Variants in HIBADH observed in about 807,000 individuals in gnomAD.
HIBADH encodes 3-hydroxyisobutyrate dehydrogenase, also known as 3-hydroxyisobutyrate dehydrogenase, mitochondrial.
HIBADH carries 25 observed loss-of-function variants against 36.1 expected under a neutral mutation model. That is an observed-to-expected ratio of 0.69 (90% CI 0.50 to 0.97). HIBADH has a LOEUF of 0.97. HIBADH is among the 50% of genes least tolerant of loss of function. HIBADH has a pLI of 0.00. For synonymous variants in HIBADH, 160 were observed against 149.5 expected (o/e 1.07, Z -0.51); for missense variants, 421 against 418.0 (o/e 1.01, Z -0.06).
intron 2 of HIBADH, among the ~76,000 whole-genome samples, chr7:27,641,678 C>G (rs1785964079): frequency 6.6e-6 from 1 of 152,116 alleles, no homozygotes; most frequent in East Asian, 1.9e-4. Context: ...TTAATATTAC[C>G]TTTTAAAGTA....
In HIBADH at chr7:27,596,445, T is replaced by C. The variant is rs570830334; in HGVS notation, c.484+32926A>G. Among the ~76,000 whole-genome samples, 7 of 152,298 alleles carry C rather than the reference T, an allele frequency of 4.6e-5. No homozygotes were observed. In the East Asian group the frequency reaches 7.7e-4, roughly 17 times the overall value. On this transcript the variant is annotated intron_variant, in intron 4 of 7. Transcript: ENST00000265395. ...CGGACCACAACATTCTCCTACATTG[T>C]TGGTGGAAGTAAAAACTTTGATGAA...
intron 4 of HIBADH, among the ~76,000 whole-genome samples, chr7:27,613,027 A>G (rs1353808947): frequency 7.5e-6 from 1 of 132,678 alleles, no homozygotes; most frequent in Non-Finnish European, 1.6e-5. Context: ...TATATATATT[A>G]TATTTACATA....
intron 3 of HIBADH, among the ~76,000 whole-genome samples, chr7:27,630,171 C>T (rs928748470): frequency 6.6e-6 from 1 of 152,226 alleles, no homozygotes; most frequent in African/African-American, 2.4e-5. Context: ...GAAACTCTAA[C>T]CTAAATTATA....
intron 4 of HIBADH, 65 bp downstream of exon 4, chr7:27,629,306 C>T: frequency 6.6e-7 from 1 of 1,519,748 alleles, no homozygotes; most frequent in Non-Finnish European, 8.9e-7. Flanking sequence ...TATGGTACAA[C>T]AAAACCATAA....
At chr7:27,643,493 T>C (rs1785998552) in intron 2 of HIBADH, among the ~76,000 whole-genome samples, 1 of 152,194 alleles carries the variant, frequency 6.6e-6, no homozygotes, top group Non-Finnish European at 1.5e-5. Flanking sequence ...AACAAGTCTA[T>C]GAAAACAGTA....
At chr7:27,599,753 A>C (rs1785094846) in intron 4 of HIBADH, among the ~76,000 whole-genome samples, 2 of 151,796 alleles carry the variant, frequency 1.3e-5, no homozygotes, top group South Asian at 4.2e-4. Flanking sequence ...AATAAAACCA[A>C]ATACCAATTG....
chr7:27,587,541 A>G (rs1245273553), intron 4 of HIBADH, among the ~76,000 whole-genome samples: 1 of 152,214 alleles, frequency 6.6e-6, no homozygotes, highest in East Asian at 1.9e-4. Flanking sequence ...TTCATTAGGT[A>G]AAGTTCATGT....
intron 4 of HIBADH, among the ~76,000 whole-genome samples, chr7:27,615,773 T>C (rs1352759678): frequency 6.6e-6 from 1 of 152,132 alleles, no homozygotes; most frequent in Non-Finnish European, 1.5e-5. Context: ...GTAAATAGAG[T>C]ATAATCCTTC....
intron 3 of HIBADH, 39 bp from the exon 4 acceptor site, chr7:27,629,531 T>C: frequency 7.0e-7 from 1 of 1,424,220 alleles, no homozygotes; most frequent in Non-Finnish European, 9.4e-7. Flanking sequence ...TTTACAACTC[T>C]GAGTAAAAAT....
intron 2 of HIBADH, among the ~76,000 whole-genome samples, chr7:27,639,891 A>C (rs1400024156): frequency 6.6e-6 from 1 of 152,200 alleles, no homozygotes; most frequent in Non-Finnish European, 1.5e-5. Flanking sequence ...TAAACTTATC[A>C]AAGTTTTTAT....
chr7:27,611,692 C>T (rs1785325009), intron 4 of HIBADH, among the ~76,000 whole-genome samples: 1 of 152,164 alleles, frequency 6.6e-6, no homozygotes, highest in Admixed American at 6.5e-5. Flanking sequence ...TTGGAAACAA[C>T]AAACTAATAA....
chr7:27,623,380 A>T (rs1785579545), intron 4 of HIBADH, among the ~76,000 whole-genome samples: 1 of 152,216 alleles, frequency 6.6e-6, no homozygotes, highest in Admixed American at 6.5e-5. Flanking sequence ...CCTATTTAAC[A>T]TAGTGCTGAA....
intron 1 of HIBADH, among the ~76,000 whole-genome samples, chr7:27,654,698 T>G (rs1281372167): frequency 7.3e-4 from 7 of 9,562 alleles, no homozygotes; most frequent in Non-Finnish European, 9.8e-4. Context: ...TTTTTTTGTG[T>G]TTTTTTTTTG....
intron 2 of HIBADH, among the ~76,000 whole-genome samples, chr7:27,637,100 C>T (rs925420086): frequency 2.6e-5 from 4 of 152,072 alleles, no homozygotes; most frequent in African/African-American, 4.8e-5. Flanking sequence ...GATACAGTAA[C>T]AGCAGCAGCA....
At chr7:27,547,360 C>T (rs1016914257) in intron 4 of HIBADH, among the ~76,000 whole-genome samples, 7 of 152,192 alleles carry the variant, frequency 4.6e-5, no homozygotes, top group Non-Finnish European at 1.0e-4. Flanking sequence ...AAAATAGCAT[C>T]TCATCACTCT....
At chr7:27,588,388 G>A (rs1784893167) in intron 4 of HIBADH, among the ~76,000 whole-genome samples, 1 of 152,196 alleles carries the variant, frequency 6.6e-6, no homozygotes, top group Non-Finnish European at 1.5e-5. Context: ...GAATGCAGTG[G>A]CATGATCATA....
chr7:27,557,985 T>C (rs1002607058), intron 4 of HIBADH, among the ~76,000 whole-genome samples: 1 of 152,258 alleles, frequency 6.6e-6, no homozygotes, highest in Admixed American at 6.5e-5. Flanking sequence ...TGTTTACCTC[T>C]TCTTGAATCA....
intron 4 of HIBADH, among the ~76,000 whole-genome samples, chr7:27,586,477 A>G (rs910115138): frequency 1.3e-5 from 2 of 152,178 alleles, no homozygotes; most frequent in African/African-American, 4.8e-5. Flanking sequence ...TTCTCTGCTA[A>G]GACGATTTTA....
At chr7:27,579,703 T>C (rs1583579476) in intron 4 of HIBADH, among the ~76,000 whole-genome samples, 1 of 152,328 alleles carries the variant, frequency 6.6e-6, no homozygotes, top group East Asian at 1.9e-4. Flanking sequence ...GGCAATAGCT[T>C]TCCAAGTAAA....
Sources: allele counts gnomAD v4.1 joint callset (sites outside exome capture counted in the v4.1 genomes callset), GRCh38; gene constraint gnomAD v4.1.1; transcripts MANE v1.5; gene names NCBI Gene and HGNC (gene_info 2026-07-23, HGNC 2026-07-21).